The following SLC24A2 variants were observed in gnomAD, a reference collection of about 807,000 sequenced individuals.
The protein encoded by SLC24A2 is solute carrier family 24 member 2, also known as sodium/potassium/calcium exchanger 2.
A neutral mutation model predicts 62.0 loss-of-function variants in SLC24A2; 36 were observed. The ratio of observed to expected loss-of-function variants is 0.58; its 90% CI spans 0.44 to 0.77. SLC24A2 has a LOEUF of 0.77. Among genes scored for constraint, SLC24A2 ranks in the 30% least tolerant of loss-of-function variants. The pLI, the probability that SLC24A2 is intolerant of heterozygous loss-of-function variation, is 0.00. For synonymous variants in SLC24A2, 358 were observed against 294.0 expected, an observed-to-expected ratio of 1.22 and a Z score of -2.23; for missense variants, 846 against 817.9, an observed-to-expected ratio of 1.03 and a Z score of -0.42.
At chr9:19,956,060 G>A in the SLC24A2 span, among the ~76,000 whole-genome samples, 1 of 152,186 alleles carries the variant, frequency 6.6e-6, no homozygotes, top group African/African-American at 2.4e-5. Flanking sequence ...CTGGCTGCAG[G>A]ACAAAGTGAT....
upstream of SLC24A2, among the ~76,000 whole-genome samples, chr9:19,792,419 G>A (rs1014786693): frequency 6.6e-6 from 1 of 151,960 alleles, no homozygotes; most frequent in African/African-American, 2.4e-5. Context: ...CCAGGTGTGG[G>A]TGTGGTGGCT....
chr9:19,518,688 G>C (rs373034996), intron 10 of SLC24A2, among the ~76,000 whole-genome samples: 8 of 152,120 alleles, frequency 5.3e-5, no homozygotes, highest in African/African-American at 1.9e-4. Context: ...CCAAAGTGCT[G>C]GGATTACAGG....
chr9:20,305,097 A>G, the SLC24A2 span, among the ~76,000 whole-genome samples: 1 of 150,690 alleles, frequency 6.6e-6, no homozygotes, highest in East Asian at 2.0e-4. Context: ...GATTCTACCA[A>G]ATAGGATAAT....
chr9:20,034,733 G>T, the SLC24A2 span, among the ~76,000 whole-genome samples: 9 of 152,136 alleles, frequency 5.9e-5, no homozygotes, highest in Non-Finnish European at 1.0e-4. Context: ...CTCCCAAAGT[G>T]CTGGGATTAC....
the SLC24A2 span, among the ~76,000 whole-genome samples, chr9:19,795,395 T>A: frequency 2.0e-5 from 3 of 151,964 alleles, no homozygotes; most frequent in Non-Finnish European, 4.4e-5. Flanking sequence ...CTTGCCTCTC[T>A]TTTTGCTCAT....
chr9:20,227,327 T>C, the SLC24A2 span, among the ~76,000 whole-genome samples: 1 of 152,152 alleles, frequency 6.6e-6, no homozygotes, highest in Admixed American at 6.6e-5. Context: ...TCACTTTTCT[T>C]CAGAGCCATG....
chr9:20,231,931 G>C, the SLC24A2 span, among the ~76,000 whole-genome samples: 1 of 152,170 alleles, frequency 6.6e-6, no homozygotes, highest in African/African-American at 2.4e-5. Flanking sequence ...TTTATTGAGA[G>C]TTTTTAGCAT....
chr9:20,025,780 A>G, the SLC24A2 span, among the ~76,000 whole-genome samples: 5 of 152,184 alleles, frequency 3.3e-5, no homozygotes, highest in Admixed American at 6.5e-5. Flanking sequence ...AATGACATCT[A>G]TAAGAGAGGT....
At chr9:19,916,263 T>C in the SLC24A2 span, among the ~76,000 whole-genome samples, 3 of 152,076 alleles carry the variant, frequency 2.0e-5, no homozygotes, top group Non-Finnish European at 4.4e-5. Flanking sequence ...CATTGGTATA[T>C]ATGTCTATAC....
rs1320721227 is a variant in SLC24A2, at chr9:19,632,200, C to T, written c.931-9901G>A. Among the ~76,000 whole-genome samples, 3 of 152,182 alleles carry T rather than the reference C, an allele frequency of 2.0e-5. No homozygotes were observed. The highest frequency in any genetic ancestry group is 4.4e-5 in the Non-Finnish European group (3 of 68,042). Reference sequence around the variant, plus strand: ...AACTTATCCTCAACATCTCAGCTCACTCCCTGCACCCCATCTGCCATCCTT... The same window carrying T: ...AACTTATCCTCAACATCTCAGCTCATTCCCTGCACCCCATCTGCCATCCTT... On this transcript the variant is annotated intron_variant, in intron 2 of 10. Coordinates refer to ENST00000341998, the MANE Select transcript of SLC24A2 (RefSeq NM_020344.4). The surrounding 1 kb of genome is among the most constrained non-coding windows in gnomAD (Gnocchi z 4.5).
the SLC24A2 span, among the ~76,000 whole-genome samples, chr9:20,163,566 T>G: frequency 5.3e-5 from 8 of 151,966 alleles, no homozygotes; most frequent in African/African-American, 1.9e-4. Context: ...CCAAGGTAAT[T>G]TACAGATTCA....
the SLC24A2 span, among the ~76,000 whole-genome samples, chr9:20,011,770 CT>C: frequency 6.6e-6 from 1 of 152,048 alleles, no homozygotes; most frequent in Admixed American, 6.6e-5. Flanking sequence ...AAACAAATTA[CT>C]GAAAAATCAA....
chr9:19,519,853 G>T (rs1254223707), intron 10 of SLC24A2, among the ~76,000 whole-genome samples: 2 of 152,132 alleles, frequency 1.3e-5, no homozygotes, highest in African/African-American at 2.4e-5. Context: ...AGTTCAGACA[G>T]TGAATACTCA....
Position 19,509,277 on chromosome 9 carries a change from T to C in SLC24A2, c.*6876A>G, listed in dbSNP as rs1395137614. 1 of 152,222 alleles carries C rather than the reference T, an allele frequency of 6.6e-6. No individual in the cohort carries two copies. Among genetic ancestry groups the C allele is most frequent in the East Asian group, 1.9e-4 (1 of 5,206 alleles). The allele number at this position is 152,222 out of a possible 1,614,324, so 9.4% of individuals were successfully genotyped here. A position where few individuals can be genotyped will look rare whatever the true frequency, so the allele number is the denominator to read the frequency against. Reference sequence around the variant, plus strand: ...GCTATTTTGAAAACGAAGACTGCTTTTGTGAAATGAATAATTTCTTTGATT... The same window carrying C: ...GCTATTTTGAAAACGAAGACTGCTTCTGTGAAATGAATAATTTCTTTGATT... On this transcript the variant is annotated 3_prime_UTR_variant, in exon 11 of 11. Transcript: ENST00000341998.
At chr9:20,086,500 G>C in the SLC24A2 span, among the ~76,000 whole-genome samples, 8 of 152,176 alleles carry the variant, frequency 5.3e-5, no homozygotes, top group Non-Finnish European at 1.2e-4. Context: ...CCTTTGCTGT[G>C]TCACTTCCTT....
the SLC24A2 span, among the ~76,000 whole-genome samples, chr9:19,849,509 A>G: frequency 6.6e-6 from 1 of 152,200 alleles, no homozygotes; most frequent in Non-Finnish European, 1.5e-5. Flanking sequence ...TTGTACTACT[A>G]TTACATTTAT....
chr9:19,790,133 G>A (rs186000369), upstream of SLC24A2, among the ~76,000 whole-genome samples: 230 of 151,122 alleles, frequency 1.5e-3, 2 homozygotes, highest in Non-Finnish European at 2.3e-3. Flanking sequence ...ACTGAATCTT[G>A]CTATGTTGCC....
At chr9:19,612,533 T>G (rs777619048) in intron 4 of SLC24A2, among the ~76,000 whole-genome samples, 14 of 152,130 alleles carry the variant, frequency 9.2e-5, no homozygotes, top group Non-Finnish European at 1.5e-5. Flanking sequence ...ATTATTACTC[T>G]CTTTCTACAA....
chr9:19,932,288 A>C, the SLC24A2 span, among the ~76,000 whole-genome samples: 2 of 152,230 alleles, frequency 1.3e-5, no homozygotes, highest in Non-Finnish European at 2.9e-5. Flanking sequence ...GATCGTTAAA[A>C]TTCCGGTAGA....
Sources: gnomAD v4.1 joint callset for allele counts (sites outside exome capture counted in the v4.1 genomes callset) on GRCh38, gnomAD v4.1.1 for gene constraint, Gnocchi (gnomAD v3.1) non-coding constraint, MANE v1.5 for transcripts, NCBI Gene and HGNC (gene_info 2026-07-23, HGNC 2026-07-21) for gene names.